Variants in CNTN6 observed in about 807,000 individuals in gnomAD.
CNTN6 encodes contactin 6.
Under a neutral mutation model 122.8 loss-of-function variants are expected in CNTN6, and 137 were observed. The ratio of observed to expected loss-of-function variants is 1.12; its 90% CI spans 0.97 to 1.29. The LOEUF (loss-of-function observed/expected upper bound fraction) is 1.29, where lower values mean the gene tolerates loss of function less well. Ranked by LOEUF, CNTN6 falls within the 50% of genes most tolerant of loss-of-function variation. The pLI is 0.00. For missense variants in CNTN6, 1,634 were observed against 1,223.4 expected (o/e 1.34, Z -5.01); for synonymous variants, 570 against 426.0 (o/e 1.34, Z -4.16).
intron 2 of CNTN6, among the ~76,000 whole-genome samples, chr3:1,194,924 G>A (rs2093754732): frequency 6.6e-6 from 1 of 151,786 alleles, no homozygotes; most frequent in African/African-American, 2.4e-5. Flanking sequence ...TGGAAAGACT[G>A]CCCTTTCCAA....
intron 12 of CNTN6, among the ~76,000 whole-genome samples, chr3:1,356,245 C>T (rs1048713534): frequency 3.3e-5 from 5 of 151,738 alleles, no homozygotes; most frequent in African/African-American, 9.7e-5. Context: ...TTGCAGGCAA[C>T]ATTTGTTTTT....
intron 4 of CNTN6, among the ~76,000 whole-genome samples, chr3:1,248,093 T>C (rs1465170439): frequency 2.0e-5 from 3 of 152,216 alleles, no homozygotes; most frequent in Non-Finnish European, 4.4e-5. Context: ...CTCCAGAGCT[T>C]CTGCTTACCA....
chr3:1,390,358 C>T (rs1693932282), intron 20 of CNTN6, among the ~76,000 whole-genome samples: 1 of 151,710 alleles, frequency 6.6e-6, no homozygotes, highest in Non-Finnish European at 1.5e-5. Context: ...TTCTTTGAAA[C>T]CAATGAGAAC....
chr3:1,159,022 G>T lies in CNTN6; in HGVS notation c.55+10959G>T, dbSNP rs565799404. Among the ~76,000 whole-genome samples the T allele has an allele frequency of 2.1e-3, 316 of 148,104 alleles. 4 individuals carry two copies. In the Middle Eastern group the frequency reaches 0.025, roughly 12 times the overall value. Reference sequence around the variant, plus strand: ...CTAATTCTTAAACTCCTGGCCTCAAGTGATCCTTTTGCTTAAGACTCCCAA... The same window carrying T: ...CTAATTCTTAAACTCCTGGCCTCAATTGATCCTTTTGCTTAAGACTCCCAA... On this transcript the variant is annotated intron_variant, in intron 2 of 22. Coordinates refer to ENST00000446702, the MANE Select transcript of CNTN6 (RefSeq NM_001289080.2).
intron 2 of CNTN6, among the ~76,000 whole-genome samples, chr3:1,155,909 T>C (rs538023066): frequency 2.0e-5 from 3 of 152,368 alleles, no homozygotes; most frequent in Non-Finnish European, 4.4e-5. Context: ...GAAAACTTCA[T>C]AAAGCACGGC....
At chr3:1,351,588 C>A (rs1705644628) in intron 11 of CNTN6, among the ~76,000 whole-genome samples, 1 of 146,716 alleles carries the variant, frequency 6.8e-6, no homozygotes. Flanking sequence ...TGGCATTGTG[C>A]TTTAGACTAT....
chr3:1,220,257 G>T (rs2094189706), intron 2 of CNTN6, among the ~76,000 whole-genome samples: 1 of 152,080 alleles, frequency 6.6e-6, no homozygotes, highest in Non-Finnish European at 1.5e-5. Context: ...GATCACTTGA[G>T]CCCAGGAGTT....
intron 2 of CNTN6, among the ~76,000 whole-genome samples, chr3:1,175,222 C>CAAAAAAAAAAAAAAAAAAAAAAAAA (rs61606722): frequency 1.3e-5 from 1 of 76,850 alleles, no homozygotes; most frequent in Non-Finnish European, 2.5e-5. Context: ...GACTTTGTCT[C>CAAAAAAAAAAAAAAAAAAAAAAAAA]AAAAAAAAAA....
chr3:1,153,486 C>T (rs2092893822), intron 2 of CNTN6, among the ~76,000 whole-genome samples: 1 of 152,098 alleles, frequency 6.6e-6, no homozygotes, highest in Non-Finnish European at 1.5e-5. Context: ...ACTTTTAACA[C>T]TAAAATAAAG....
At chr3:1,194,177 C>A (rs971611052) in intron 2 of CNTN6, among the ~76,000 whole-genome samples, 2 of 151,386 alleles carry the variant, frequency 1.3e-5, no homozygotes, top group Non-Finnish European at 2.9e-5. Flanking sequence ...TGAAGATCAA[C>A]ACATTCTAGG....
At chr3:1,380,067 G>A (rs1203388763) in intron 17 of CNTN6, among the ~76,000 whole-genome samples, 1 of 152,166 alleles carries the variant, frequency 6.6e-6, no homozygotes, top group African/African-American at 2.4e-5. Context: ...CATCAGAACT[G>A]AGTATATCTG....
intron 2 of CNTN6, among the ~76,000 whole-genome samples, chr3:1,184,559 C>G (rs770675247): frequency 3.3e-5 from 5 of 152,006 alleles, no homozygotes; most frequent in Non-Finnish European, 7.4e-5. Flanking sequence ...TATTTGTTTT[C>G]ATAATAGGCT....
chr3:1,136,758 G>A (rs751056756), intron 1 of CNTN6, among the ~76,000 whole-genome samples: 1 of 152,028 alleles, frequency 6.6e-6, no homozygotes, highest in Non-Finnish European at 1.5e-5. Context: ...CTGTAAGATT[G>A]GCCATCGGGA....
At chr3:1,142,954 T>A (rs1377748746) in intron 1 of CNTN6, among the ~76,000 whole-genome samples, 2 of 137,460 alleles carry the variant, frequency 1.5e-5, no homozygotes, top group African/African-American at 5.6e-5. Flanking sequence ...ACATATAAAT[T>A]TGTGTGTGTG....
intron 7 of CNTN6, among the ~76,000 whole-genome samples, chr3:1,304,726 G>T (rs967221942): frequency 1.3e-5 from 2 of 152,066 alleles, no homozygotes; most frequent in South Asian, 2.1e-4. Context: ...GGGCGCAGTG[G>T]CTCACGCCTG....
intron 6 of CNTN6, 133 bp downstream of exon 6, chr3:1,295,937 T>C: frequency 1.4e-6 from 1 of 710,996 alleles, no homozygotes; most frequent in East Asian, 2.7e-5. Flanking sequence ...CACAAATATG[T>C]AAACCAGAAA....
intron 11 of CNTN6, 120 bp downstream of exon 11, chr3:1,330,055 T>A (rs1314470219): frequency 1.6e-6 from 1 of 616,086 alleles, no homozygotes; most frequent in African/African-American, 1.9e-5. Context: ...TTGGCATACC[T>A]AGAGACGCCA....
chr3:1,377,972 C>A (rs921581719), intron 17 of CNTN6, among the ~76,000 whole-genome samples: 3 of 152,028 alleles, frequency 2.0e-5, no homozygotes, highest in African/African-American at 4.8e-5. Flanking sequence ...CTGGATGATC[C>A]CCCACCAAGG....
At chr3:1,218,780 C>A (rs1559534958) in intron 2 of CNTN6, among the ~76,000 whole-genome samples, 2 of 150,290 alleles carry the variant, frequency 1.3e-5, no homozygotes, top group East Asian at 2.0e-4. Context: ...AAGAGCACCT[C>A]AAAAAAAAAT....
Sources: allele counts gnomAD v4.1 joint callset (sites outside exome capture counted in the v4.1 genomes callset), GRCh38; gene constraint gnomAD v4.1.1; transcripts MANE v1.5; gene names NCBI Gene and HGNC (gene_info 2026-07-23, HGNC 2026-07-21).